EIF2AK3: variants seen among roughly 807,000 people sequenced by gnomAD.
The protein encoded by EIF2AK3 is eukaryotic translation initiation factor 2 alpha kinase 3, also known as eukaryotic translation initiation factor 2-alpha kinase 3.
In EIF2AK3, 50 loss-of-function variants were observed where a neutral mutation model predicts 113.5. The ratio of observed to expected loss-of-function variants is 0.44; its 90% CI spans 0.35 to 0.56. The LOEUF (loss-of-function observed/expected upper bound fraction) is 0.56. Ranked by LOEUF, EIF2AK3 falls within the 20% of genes least tolerant of loss-of-function variation. The pLI is 0.00. For missense variants in EIF2AK3, 1,185 were observed against 1,378.0 expected (o/e 0.86, Z 2.22); for synonymous variants, 448 against 495.4 (o/e 0.90, Z 1.27).
chr2:88,579,520 A>G lies in EIF2AK3; in HGVS notation c.1884T>C (p.Asn628=), dbSNP rs747258023. ...TTACTGAAGGTACCACCCATTACCTATTGGGGAGACGGATCCTCTTGATAG... is the reference window on the plus strand; with the variant it reads ...TTACTGAAGGTACCACCCATTACCTGTTGGGGAGACGGATCCTCTTGATAG... ...NYAIKRIRLP[N]RELAREKVMR... is the part of the protein sequence containing the mutation. Residue 628 remains asparagine, a splice_region_variant and synonymous_variant, in exon 11 of 17, where the codon AAT becomes AAC. Transcript: ENST00000303236. 2.5e-6 allele frequency: 4 copies of G among 1,613,214 alleles called. No homozygotes were observed. Among genetic ancestry groups the G allele is most frequent in the South Asian group, 2.2e-5 (2 of 91,058 alleles).
chr2:88,559,762 C>T (rs1673892290), intron 15 of EIF2AK3, among the ~76,000 whole-genome samples: 1 of 152,140 alleles, frequency 6.6e-6, no homozygotes, highest in Admixed American at 6.5e-5. Context: ...TTTCAAGATT[C>T]ATCTACGTTG....
chr2:88,574,852 G>A lies in EIF2AK3; in HGVS notation c.2631C>T (p.Pro877=), dbSNP rs1367863235. ...TGTAAAGATACACCTTTGGTGAACT[G>A]GGCTGGAGTTTTTCTGTGGTGTTTT... ...LTKNTTEKLQ[P]SSPKVYLYIQ... Residue 877 remains proline, a synonymous_variant, in exon 13 of 17, where the codon CCC becomes CCT. Transcript: ENST00000303236. 1 of 1,614,046 alleles carries A rather than the reference G, an allele frequency of 6.2e-7. No individual in the cohort carries two copies. The highest frequency in any genetic ancestry group is 8.5e-7 in the Non-Finnish European group (1 of 1,180,014).
chr2:88,627,117 G>T lies in EIF2AK3; in HGVS notation c.158C>A (p.Pro53His). Residue 53 changes from proline (P) to histidine (H), a missense_variant, in exon 1 of 17, where the codon CCC (proline) becomes CAC (histidine). By Grantham distance (77) the Pro-to-His change is moderately conservative. Coordinates refer to ENST00000303236, the MANE Select transcript of EIF2AK3 (RefSeq NM_004836.7). Reference protein sequence around the residue: ...AAFGLGAAAAPTSATRVPAAG... With the variant: ...AAFGLGAAAAHTSATRVPAAG... ...CGCCGGTACTCGCGTCGCTGAGGTGGGAGCAGCGGCCGCCCCGAGGCCGAA... is the reference window on the plus strand; with the variant it reads ...CGCCGGTACTCGCGTCGCTGAGGTGTGAGCAGCGGCCGCCCCGAGGCCGAA... 6.6e-7 allele frequency: 1 copy of T among 1,509,414 alleles called. No homozygotes were observed. Among genetic ancestry groups the T allele is most frequent in the Non-Finnish European group, 8.8e-7 (1 of 1,136,028 alleles). The allele number at this position is 1,509,414 out of a possible 1,614,324, so 93.5% of individuals were successfully genotyped here.
chr2:88,626,859 C>G, intron 1 of EIF2AK3, 108 bp downstream of exon 1: 1 of 1,449,906 alleles, frequency 6.9e-7, no homozygotes, highest in Non-Finnish European at 9.3e-7. Context: ...CCCTCCGCAG[C>G]CGAGGGAAGA....
chr2:88,564,868 C>G (rs1674065435), intron 14 of EIF2AK3, among the ~76,000 whole-genome samples: 1 of 152,138 alleles, frequency 6.6e-6, no homozygotes, highest in Non-Finnish European at 1.5e-5. Context: ...AAGGGAGAAG[C>G]ATCTCTTTTA....
intron 1 of EIF2AK3, 93 bp from the exon 2 acceptor site, chr2:88,613,946 G>C: frequency 8.4e-7 from 1 of 1,187,414 alleles, no homozygotes; most frequent in Non-Finnish European, 1.2e-6. Flanking sequence ...CCCATGTCCA[G>C]GCCTCTATTC....
intron 12 of EIF2AK3, 115 bp from the exon 13 acceptor site, chr2:88,575,561 A>G: frequency 9.9e-7 from 1 of 1,015,120 alleles, no homozygotes; most frequent in Non-Finnish European, 1.5e-6. Flanking sequence ...ACCAAATGAC[A>G]ACAAAACAAC....
intron 8 of EIF2AK3, among the ~76,000 whole-genome samples, chr2:88,586,810 T>C (rs1287967067): frequency 6.6e-6 from 1 of 151,306 alleles, no homozygotes; most frequent in Non-Finnish European, 1.5e-5. Context: ...CAGGCTGGTC[T>C]TGAACTCCTG....
intron 1 of EIF2AK3, among the ~76,000 whole-genome samples, chr2:88,626,562 G>A (rs1439792861): frequency 6.6e-6 from 1 of 152,212 alleles, no homozygotes; most frequent in African/African-American, 2.4e-5. Flanking sequence ...GACGTCTTTT[G>A]CTAAAGTCCT....
At chr2:88,597,906 T>A (rs1675057230) in intron 2 of EIF2AK3, among the ~76,000 whole-genome samples, 2 of 152,158 alleles carry the variant, frequency 1.3e-5, no homozygotes, top group Admixed American at 6.6e-5. Flanking sequence ...GTAAAAGTAG[T>A]GCACTCATAC....
intron 2 of EIF2AK3, among the ~76,000 whole-genome samples, chr2:88,613,301 T>C (rs183444811): frequency 8.5e-4 from 130 of 152,348 alleles, no homozygotes; most frequent in African/African-American, 3.0e-3. Context: ...AGATGAATTC[T>C]GCTTATAATT....
chr2:88,588,988 T>A, intron 6 of EIF2AK3, 87 bp from the exon 7 acceptor site: 1 of 1,440,764 alleles, frequency 6.9e-7, no homozygotes, highest in Non-Finnish European at 9.6e-7. Flanking sequence ...ATTCCAGTTA[T>A]TTCTACATAC....
rs1295313751 is a variant in EIF2AK3, at chr2:88,588,085, A to G, written c.1326T>C (p.Pro442=). The change falls in exon 8 of 17, where the codon CCT becomes CCC. Residue 442 remains proline (P), a synonymous_variant. Coordinates refer to ENST00000303236, the MANE Select transcript of EIF2AK3 (RefSeq NM_004836.7). ...KPLIHSPSRT[P]VLVGSDEFDK... The stretch of plus-strand genomic sequence containing the variant: ...CAAATTCATCAGATCCTACCAAGAC[A>G]GGAGTTCTGGAAGGAGAATCTAAAA... The G allele has an allele frequency of 6.6e-7, 1 of 1,504,814 alleles. No individual in the cohort carries two copies. Among genetic ancestry groups the G allele is most frequent in the East Asian group, 2.3e-5 (1 of 43,736 alleles). 93.2% of individuals were successfully genotyped at this position (1,504,814 alleles called of 1,614,324 possible). A position where few individuals can be genotyped will look rare whatever the true frequency, so the allele number is the denominator to read the frequency against.
At chr2:88,606,100 T>A (rs568705184) in intron 2 of EIF2AK3, among the ~76,000 whole-genome samples, 2 of 152,284 alleles carry the variant, frequency 1.3e-5, no homozygotes, top group South Asian at 2.1e-4. Context: ...ATCAAGTTGA[T>A]AACAATTGTT....
Position 88,560,933 on chromosome 2 carries a change from A to C in EIF2AK3, c.3087+1356T>G, listed in dbSNP as rs559745037. On this transcript the variant is annotated intron_variant, in intron 15 of 16. Coordinates refer to ENST00000303236, the MANE Select transcript of EIF2AK3 (RefSeq NM_004836.7). ...CCTAAACTTTGAAAATATGGAGATA[A>C]GTACCAGGGACAACAACTAGAAGAG... Among the ~76,000 whole-genome samples the C allele has an allele frequency of 7.2e-5, 11 of 152,282 alleles. No homozygotes were observed. In the South Asian group the frequency reaches 1.9e-3, roughly 26 times the overall value.
At chr2:88,626,183 C>T (rs769306234) in intron 1 of EIF2AK3, among the ~76,000 whole-genome samples, 13 of 152,230 alleles carry the variant, frequency 8.5e-5, no homozygotes, top group Middle Eastern at 6.8e-3. Context: ...AAAACAATCA[C>T]CTTGAAGTAA....
intron 16 of EIF2AK3, among the ~76,000 whole-genome samples, chr2:88,558,560 AT>A (rs991276181): frequency 6.6e-6 from 1 of 152,224 alleles, no homozygotes; most frequent in Non-Finnish European, 1.5e-5. Context: ...TATAAAGTCC[AT>A]TTTTTAATGC....
chr2:88,618,458 A>G (rs140404449), intron 1 of EIF2AK3, among the ~76,000 whole-genome samples: 1 of 152,324 alleles, frequency 6.6e-6, no homozygotes, highest in East Asian at 1.9e-4. Context: ...ATTTTTTCAT[A>G]GGCAAAATAT....
At chr2:88,565,711 A>C (rs1295934530) in intron 14 of EIF2AK3, among the ~76,000 whole-genome samples, 2 of 152,240 alleles carry the variant, frequency 1.3e-5, no homozygotes, top group Non-Finnish European at 2.9e-5. Flanking sequence ...AAAATAGATT[A>C]AAATTCATTT....
Sources: gnomAD v4.1 joint callset for allele counts (sites outside exome capture counted in the v4.1 genomes callset) on GRCh38, gnomAD v4.1.1 for gene constraint, MANE v1.5 for transcripts, NCBI Gene and HGNC (gene_info 2026-07-23, HGNC 2026-07-21) for gene names.